KIAA0232: variants seen among roughly 807,000 people sequenced by gnomAD.
KIAA0232 encodes the protein uncharacterized protein KIAA0232.
KIAA0232 carries 27 observed loss-of-function variants against 122.0 expected under a neutral mutation model. The observed-to-expected ratio is 0.22, with a 90% CI of 0.16 to 0.31. KIAA0232 has a LOEUF of 0.31. Ranked by LOEUF, KIAA0232 falls within the 10% of genes least tolerant of loss-of-function variation. KIAA0232 has a pLI of 1.00. For synonymous variants in KIAA0232, 613 were observed against 587.6 expected (o/e 1.04, Z -0.63); for missense variants, 1,551 against 1,634.2 (o/e 0.95, Z 0.88).
At chr4:6,847,387 A>T (rs575930530) in intron 4 of KIAA0232, among the ~76,000 whole-genome samples, 8 of 152,340 alleles carry the variant, frequency 5.3e-5, no homozygotes, top group Non-Finnish European at 1.0e-4. Flanking sequence ...ACATTATGGC[A>T]CTTCTCTTGG....
rs760633708 is a variant in KIAA0232, at chr4:6,881,893, T to C, written c.*927T>C. 6.5e-6 allele frequency: 1 copy of C among 152,688 alleles called. No homozygotes were observed. The allele number at this position is 152,688 out of a possible 1,614,324, so 9.5% of individuals were successfully genotyped here. A position where few individuals can be genotyped will look rare whatever the true frequency, so the allele number is the denominator to read the frequency against. Reference sequence around the variant, plus strand: ...GCCACCTCATCACCCAGAGAAATCTTTGGCTGCTGCAGCTAGCCGCTTCTT... The same window carrying C: ...GCCACCTCATCACCCAGAGAAATCTCTGGCTGCTGCAGCTAGCCGCTTCTT... On this transcript the variant is annotated 3_prime_UTR_variant, in exon 10 of 10. Transcript: ENST00000307659.
In KIAA0232 at chr4:6,861,342, A is replaced by T. The variant is rs1172121668; in HGVS notation, c.960A>T (p.Arg320=). ...ATGTTAAAGTAAGACACAAGGCACG[A>T]GAGATTCGAAACAAAAAAGGGCGGA... is the stretch of plus-strand genomic sequence containing the variant. ...MKYVKVRHKA[R]EIRNKKGRNG... Residue 320 remains arginine, a synonymous_variant, in exon 7 of 10, where the codon CGA becomes CGT. Coordinates refer to ENST00000307659, the MANE Select transcript of KIAA0232 (RefSeq NM_014743.3). 1 of 1,614,194 alleles carries T rather than the reference A, an allele frequency of 6.2e-7. No homozygotes were observed. Among genetic ancestry groups the T allele is most frequent in the South Asian group, 1.1e-5 (1 of 91,090 alleles).
At chr4:6,840,891 C>T (rs1719618796) in intron 3 of KIAA0232, among the ~76,000 whole-genome samples, 1 of 151,874 alleles carries the variant, frequency 6.6e-6, no homozygotes, top group Non-Finnish European at 1.5e-5. Context: ...TATCTTGGTT[C>T]TTTTTATACT....
In KIAA0232 at chr4:6,862,437, G is replaced by A. The variant is rs1383070753; in HGVS notation, c.2055G>A (p.Gln685=). ...GTGCTAATATGCTTGGGAAAACACAGTCTAGATTGCTAATATGGACCAAAA... is the reference window on the plus strand; with the variant it reads ...GTGCTAATATGCTTGGGAAAACACAATCTAGATTGCTAATATGGACCAAAA... ...DSSANMLGKT[Q]SRLLIWTKNS... is the part of the protein sequence containing the mutation. The change falls in exon 7 of 10, where the codon CAG becomes CAA. Residue 685 remains glutamine (Q), a synonymous_variant. Transcript: ENST00000307659. 4 of 1,614,166 alleles carry A rather than the reference G, an allele frequency of 2.5e-6. No homozygotes were observed. In the Admixed American group the frequency reaches 6.7e-5, roughly 27 times the overall value.
At chr4:6,811,563 C>T (rs1349653804) in intron 2 of KIAA0232, among the ~76,000 whole-genome samples, 3 of 152,098 alleles carry the variant, frequency 2.0e-5, no homozygotes, top group Non-Finnish European at 2.9e-5. Context: ...CCATCTCAGC[C>T]TCCTGAGTAG....
chr4:6,866,650 C>T (rs1297360918), intron 7 of KIAA0232, among the ~76,000 whole-genome samples: 1 of 152,182 alleles, frequency 6.6e-6, no homozygotes, highest in Admixed American at 6.5e-5. Context: ...AGAACCCCAT[C>T]TGTTTCAGAC....
At chr4:6,876,866 A>G (rs1721784463) in intron 9 of KIAA0232, 109 bp downstream of exon 9, 2 of 727,190 alleles carry the variant, frequency 2.8e-6, no homozygotes. Flanking sequence ...CACCTCTCCC[A>G]GGAACCAGCC....
chr4:6,792,426 T>C (rs1423099231), intron 1 of KIAA0232, among the ~76,000 whole-genome samples: 1 of 152,222 alleles, frequency 6.6e-6, no homozygotes, highest in East Asian at 1.9e-4. Context: ...CTCTGAATAA[T>C]CATTTGTCAT....
chr4:6,824,813 T>A (rs1718593178), intron 3 of KIAA0232, 129 bp downstream of exon 3: 1 of 754,970 alleles, frequency 1.3e-6, no homozygotes, highest in African/African-American at 1.7e-5. Flanking sequence ...AACCTGTCAG[T>A]GACCAGATGG....
At chr4:6,854,727 ATGAGTTCAG>A (rs1720481595) in intron 4 of KIAA0232, among the ~76,000 whole-genome samples, 1 of 152,184 alleles carries the variant, frequency 6.6e-6, no homozygotes, top group Non-Finnish European at 1.5e-5. Context: ...AAAGCAATTC[ATGAGTTCAG>A]TGGTGGAATG....
At chr4:6,814,241 G>A (rs1254064855) in intron 2 of KIAA0232, among the ~76,000 whole-genome samples, 1 of 152,010 alleles carries the variant, frequency 6.6e-6, no homozygotes, top group Admixed American at 6.6e-5. Flanking sequence ...CTCCTCCTTT[G>A]CACTTAACCA....
At chr4:6,865,003 T>C (rs1267692410) in intron 7 of KIAA0232, among the ~76,000 whole-genome samples, 1 of 152,216 alleles carries the variant, frequency 6.6e-6, no homozygotes, top group Admixed American at 6.5e-5. Flanking sequence ...AAATTTCTTC[T>C]ACAGAACCTA....
intron 3 of KIAA0232, among the ~76,000 whole-genome samples, chr4:6,837,145 C>G (rs1272483928): frequency 6.6e-6 from 1 of 151,028 alleles, no homozygotes; most frequent in African/African-American, 2.4e-5. Context: ...TGCCCCCCAC[C>G]TCCCGAACGG....
chr4:6,816,381 C>T (rs1205692270), intron 2 of KIAA0232, among the ~76,000 whole-genome samples: 5 of 151,088 alleles, frequency 3.3e-5, no homozygotes, highest in Admixed American at 1.3e-4. Context: ...CTCCCGGGTT[C>T]ACGCCATTCT....
chr4:6,827,115 T>G (rs563001475), intron 3 of KIAA0232, among the ~76,000 whole-genome samples: 9 of 152,208 alleles, frequency 5.9e-5, no homozygotes, highest in Non-Finnish European at 1.0e-4. Context: ...ATTTTTCTAC[T>G]TGGTCCAAAG....
At chr4:6,798,692 T>C (rs539116438) in intron 1 of KIAA0232, among the ~76,000 whole-genome samples, 1 of 152,322 alleles carries the variant, frequency 6.6e-6, no homozygotes, top group East Asian at 1.9e-4. Context: ...TCTTGGACTA[T>C]AGGCATGTGA....
At chr4:6,878,405 A>ATACC (rs1721870327) in intron 9 of KIAA0232, among the ~76,000 whole-genome samples, 1 of 152,106 alleles carries the variant, frequency 6.6e-6, no homozygotes, top group African/African-American at 2.4e-5. Flanking sequence ...ACATACATAC[A>ATACC]TACATACATA....
At chr4:6,783,917 AGTGT>A (rs1442237037) in intron 1 of KIAA0232, among the ~76,000 whole-genome samples, 1 of 152,044 alleles carries the variant, frequency 6.6e-6, no homozygotes, top group Non-Finnish European at 1.5e-5. Flanking sequence ...TGGAGAAACC[AGTGT>A]GTGTCGTGTT....
intron 8 of KIAA0232, among the ~76,000 whole-genome samples, chr4:6,872,803 G>A (rs1265860292): frequency 6.6e-6 from 1 of 152,252 alleles, no homozygotes; most frequent in African/African-American, 2.4e-5. Context: ...CCCTGCACAC[G>A]CCTGTGTTGT....
Sources: allele counts gnomAD v4.1 joint callset (sites outside exome capture counted in the v4.1 genomes callset), GRCh38; gene constraint gnomAD v4.1.1; transcripts MANE v1.5; gene names NCBI Gene and HGNC (gene_info 2026-07-23, HGNC 2026-07-21).